Variants in SLC71A1 observed in about 807,000 individuals in gnomAD.
The protein encoded by SLC71A1 is hippocampus abundant gene transcript 1.
chr1:100,038,292 G>T, the SLC71A1 span: 1 of 1,558,974 alleles, frequency 6.4e-7, no homozygotes, highest in East Asian at 2.4e-5. Flanking sequence ...TGGCCAAGAA[G>T]ATCATCATTA....
chr1:100,076,719 G>A, the SLC71A1 span, among the ~76,000 whole-genome samples: 1 of 152,256 alleles, frequency 6.6e-6, no homozygotes, highest in African/African-American at 2.4e-5. Flanking sequence ...AGGCATCATG[G>A]TTTCAACAAC....
At chr1:100,068,538 C>T in the SLC71A1 span, 7 of 1,613,992 alleles carry the variant, frequency 4.3e-6, no homozygotes, top group Non-Finnish European at 5.9e-6. Context: ...TTCTCTCCTA[C>T]CTACCGGAGG....
the SLC71A1 span, among the ~76,000 whole-genome samples, chr1:100,048,234 A>G: frequency 1.3e-5 from 2 of 150,534 alleles, no homozygotes; most frequent in Admixed American, 1.3e-4. Context: ...GCTGGGGTGC[A>G]GTGGTGGGAT....
chr1:100,058,267 G>A, the SLC71A1 span, among the ~76,000 whole-genome samples: 4 of 152,124 alleles, frequency 2.6e-5, no homozygotes, highest in Non-Finnish European at 4.4e-5. Flanking sequence ...CCATCTGAAA[G>A]AGAATTATAA....
the SLC71A1 span, among the ~76,000 whole-genome samples, chr1:100,075,887 A>G: frequency 6.6e-6 from 1 of 152,198 alleles, no homozygotes; most frequent in African/African-American, 2.4e-5. Flanking sequence ...TATGTTGTCC[A>G]GGCTGGTCTC....
At chr1:100,082,086 A>G in the SLC71A1 span, 31 of 1,613,956 alleles carry the variant, frequency 1.9e-5, no homozygotes, top group Non-Finnish European at 2.5e-5. Flanking sequence ...TTATTCCGGA[A>G]CATACCAATT....
the SLC71A1 span, among the ~76,000 whole-genome samples, chr1:100,070,117 C>T: frequency 6.6e-6 from 1 of 152,076 alleles, no homozygotes; most frequent in Non-Finnish European, 1.5e-5. Context: ...GTAAACATAT[C>T]AGATGTATTG....
At chr1:100,077,163 A>G in the SLC71A1 span, 1 of 1,231,082 alleles carries the variant, frequency 8.1e-7, no homozygotes, top group Non-Finnish European at 1.1e-6. Context: ...TTTTTTTTTC[A>G]GACCATAGTC....
chr1:100,053,612 A>G, the SLC71A1 span, among the ~76,000 whole-genome samples: 1 of 152,156 alleles, frequency 6.6e-6, no homozygotes, highest in East Asian at 1.9e-4. Context: ...AGTTTTAGAC[A>G]TATTAATTTT....
chr1:100,077,146 C>A, the SLC71A1 span: 1 of 884,246 alleles, frequency 1.1e-6, no homozygotes, highest in South Asian at 1.6e-5. Context: ...TCTGATAAAT[C>A]TTTTTTTTTT....
the SLC71A1 span, among the ~76,000 whole-genome samples, chr1:100,042,330 A>G: frequency 2.0e-4 from 30 of 152,332 alleles, no homozygotes; most frequent in East Asian, 5.0e-3. Flanking sequence ...AAATTGATAT[A>G]TCATTTGAAA....
At chr1:100,049,909 C>G in the SLC71A1 span, 1 of 1,554,168 alleles carries the variant, frequency 6.4e-7, no homozygotes, top group Non-Finnish European at 8.7e-7. Flanking sequence ...TTTTTTATAG[C>G]CTCAAGGAAT....
At chr1:100,051,163 C>T in the SLC71A1 span, among the ~76,000 whole-genome samples, 25 of 151,208 alleles carry the variant, frequency 1.7e-4, no homozygotes, top group East Asian at 3.9e-4. Flanking sequence ...GAGGCCAAGG[C>T]GGGTGGATCA....
the SLC71A1 span, among the ~76,000 whole-genome samples, chr1:100,077,749 G>T: frequency 6.6e-6 from 1 of 152,172 alleles, no homozygotes; most frequent in Admixed American, 6.5e-5. Flanking sequence ...TGACCAGTCG[G>T]GTTTCCTGCA....
chr1:100,058,514 T>C, the SLC71A1 span: 4 of 586,828 alleles, frequency 6.8e-6, no homozygotes, highest in Admixed American at 1.2e-4. Context: ...TATAAATATT[T>C]GGTTATTAAT....
the SLC71A1 span, among the ~76,000 whole-genome samples, chr1:100,049,042 T>C: frequency 6.6e-6 from 1 of 152,240 alleles, no homozygotes; most frequent in African/African-American, 2.4e-5. Flanking sequence ...ACATTCATAC[T>C]GTGCCACTGT....
At chr1:100,038,564 C>G in the SLC71A1 span, among the ~76,000 whole-genome samples, 3 of 152,220 alleles carry the variant, frequency 2.0e-5, no homozygotes, top group Non-Finnish European at 4.4e-5. Flanking sequence ...CTGCTCTGGC[C>G]GCCTCTGCAG....
At chr1:100,082,159 C>G in the SLC71A1 span, 9 of 1,614,156 alleles carry the variant, frequency 5.6e-6, no homozygotes, top group Non-Finnish European at 7.6e-6. Context: ...TCATAATACA[C>G]AAGCGCCAGG....
At chr1:100,080,706 A>C in the SLC71A1 span, 1 of 1,518,130 alleles carries the variant, frequency 6.6e-7, no homozygotes, top group Non-Finnish European at 9.0e-7. Flanking sequence ...ATTTGGCTAG[A>C]TTAAAGGCTA....
Sources: gnomAD v4.1 joint callset for allele counts (sites outside exome capture counted in the v4.1 genomes callset) on GRCh38, gnomAD v4.1.1 for gene constraint, MANE v1.5 for transcripts, NCBI Gene and HGNC (gene_info 2026-07-23, HGNC 2026-07-21) for gene names.